Variants in HS3ST5 observed in about 807,000 individuals in gnomAD.
The protein encoded by HS3ST5 is heparan sulfate glucosamine 3-O-sulfotransferase 5.
A neutral mutation model predicts 25.4 loss-of-function variants in HS3ST5; 10 were observed. That is an observed-to-expected ratio of 0.39 (90% CI 0.24 to 0.67). The LOEUF (loss-of-function observed/expected upper bound fraction) is 0.67. Ranked by LOEUF, HS3ST5 falls within the 30% of genes least tolerant of loss-of-function variation. The probability of loss-of-function intolerance (pLI) is 0.44; values close to 1 mark genes in which losing one functional copy is unlikely to be tolerated. For missense variants in HS3ST5, 324 were observed against 420.7 expected, an observed-to-expected ratio of 0.77 and a Z score of 2.01; for synonymous variants, 170 against 162.4, an observed-to-expected ratio of 1.05 and a Z score of -0.36.
At chr6:114,095,162 A>G (rs1399184030) in intron 3 of HS3ST5, among the ~76,000 whole-genome samples, 1 of 152,182 alleles carries the variant, frequency 6.6e-6, no homozygotes, top group Non-Finnish European at 1.5e-5. Context: ...AATTTGTAAC[A>G]CAGCATAGAA....
chr6:114,065,095 A>G (rs763855693), intron 3 of HS3ST5, among the ~76,000 whole-genome samples: 36 of 90,324 alleles, frequency 4.0e-4, no homozygotes, highest in Non-Finnish European at 8.9e-4. Flanking sequence ...GGGAAGAGAA[A>G]GAGAGTGAGG....
At chr6:114,179,492 A>G (rs1779865477) in intron 2 of HS3ST5, among the ~76,000 whole-genome samples, 3 of 152,164 alleles carry the variant, frequency 2.0e-5, no homozygotes, top group Admixed American at 2.0e-4. Flanking sequence ...CTTAATTAAA[A>G]TCTTGCAACT....
chr6:114,277,860 G>T (rs546565389), intron 1 of HS3ST5, among the ~76,000 whole-genome samples: 1 of 152,030 alleles, frequency 6.6e-6, no homozygotes, highest in East Asian at 1.9e-4. Context: ...CCTTGTCGAG[G>T]TTATAGTTGT....
At chr6:114,274,582 A>G (rs781436386) in intron 1 of HS3ST5, among the ~76,000 whole-genome samples, 1 of 152,058 alleles carries the variant, frequency 6.6e-6, no homozygotes, top group Non-Finnish European at 1.5e-5. Context: ...AAAGATAAAG[A>G]ATCAATGGAT....
At chr6:114,147,418 A>G (rs1778223889) in intron 3 of HS3ST5, among the ~76,000 whole-genome samples, 1 of 152,160 alleles carries the variant, frequency 6.6e-6, no homozygotes, top group Non-Finnish European at 1.5e-5. Context: ...TCCTCCATGC[A>G]TAGGGACACT....
Position 114,248,921 on chromosome 6 carries a change from G to C in HS3ST5, c.-338-20143C>G, listed in dbSNP as rs543926210. Among the ~76,000 whole-genome samples, 8 of 152,276 alleles carry C rather than the reference G, an allele frequency of 5.3e-5. No individual in the cohort carries two copies. In the South Asian group the frequency reaches 1.7e-3, roughly 32 times the overall value. On this transcript the variant is annotated intron_variant, in intron 1 of 4. Transcript: ENST00000312719. ...ATATTATTACTGGCTGTTTCAGTCT[G>C]GTAGCAGACACTTTAGGTGGAAGAC...
chr6:114,192,986 T>C (rs1780574565), intron 2 of HS3ST5, among the ~76,000 whole-genome samples: 1 of 152,190 alleles, frequency 6.6e-6, no homozygotes, highest in Non-Finnish European at 1.5e-5. Flanking sequence ...CCCCCACCTT[T>C]TTAAAAGTTT....
intron 2 of HS3ST5, among the ~76,000 whole-genome samples, chr6:114,204,230 A>G (rs1388044655): frequency 2.0e-5 from 3 of 152,216 alleles, no homozygotes; most frequent in Non-Finnish European, 4.4e-5. Flanking sequence ...TCTGAGGCAG[A>G]TAAGGGCTTT....
chr6:114,150,722 G>A (rs1778407379), intron 3 of HS3ST5, among the ~76,000 whole-genome samples: 2 of 152,190 alleles, frequency 1.3e-5, no homozygotes. Flanking sequence ...TAATGCCTGA[G>A]TGTAGGAGAT....
At chr6:114,158,555 A>C (rs2114976655) in intron 3 of HS3ST5, among the ~76,000 whole-genome samples, 1 of 152,324 alleles carries the variant, frequency 6.6e-6, no homozygotes, top group Admixed American at 6.5e-5. Flanking sequence ...TAGCAGACAA[A>C]GAAAATGAGG....
At chr6:114,118,751 C>T (rs1198271644) in intron 3 of HS3ST5, among the ~76,000 whole-genome samples, 1 of 152,138 alleles carries the variant, frequency 6.6e-6, no homozygotes, top group Non-Finnish European at 1.5e-5. Flanking sequence ...TCTCCATCCC[C>T]TTTAGAAGAC....
intron 1 of HS3ST5, among the ~76,000 whole-genome samples, chr6:114,336,961 T>C (rs1156329898): frequency 6.6e-6 from 1 of 152,204 alleles, no homozygotes; most frequent in Non-Finnish European, 1.5e-5. Context: ...TTCTGTTACT[T>C]CATGTTAATT....
chr6:114,175,284 T>C (rs1308847278), intron 2 of HS3ST5, among the ~76,000 whole-genome samples: 1 of 152,098 alleles, frequency 6.6e-6, no homozygotes, highest in Non-Finnish European at 1.5e-5. Flanking sequence ...CAAATGAAGA[T>C]GGAGAACAGG....
chr6:114,187,089 C>T (rs1485351453), intron 2 of HS3ST5, among the ~76,000 whole-genome samples: 1 of 152,152 alleles, frequency 6.6e-6, no homozygotes, highest in Non-Finnish European at 1.5e-5. Flanking sequence ...ACCTAGTCAC[C>T]CAAGAGTTCT....
chr6:114,185,298 C>T (rs560700963), intron 2 of HS3ST5, among the ~76,000 whole-genome samples: 4 of 152,114 alleles, frequency 2.6e-5, no homozygotes, highest in African/African-American at 9.6e-5. Flanking sequence ...AGAGTGGAGC[C>T]CTCATGAATA....
rs142391121 is a variant in HS3ST5 at position 114,202,991 on chromosome 6, G to A, written c.-145+25594C>T. Among the ~76,000 whole-genome samples the A allele has an allele frequency of 2.9e-3, 437 of 152,288 alleles. 2 individuals are homozygous for A. Among genetic ancestry groups the A allele is most frequent in the African/African-American group, 0.01 (429 of 41,552 alleles). ...ACCAAAAACAGAATAGTTGAGGCAT[G>A]GCCAACTCTCTTGTTTTGTAATCAG... On this transcript the variant is annotated intron_variant, in intron 2 of 4. Transcript: ENST00000312719.
chr6:114,237,144 C>T (rs1380005265), intron 1 of HS3ST5, among the ~76,000 whole-genome samples: 1 of 152,078 alleles, frequency 6.6e-6, no homozygotes, highest in East Asian at 1.9e-4. Flanking sequence ...TGATGAAAGG[C>T]AAGGAGGTAA....
At chr6:114,108,514 C>T (rs1337930397) in intron 3 of HS3ST5, among the ~76,000 whole-genome samples, 2 of 152,152 alleles carry the variant, frequency 1.3e-5, no homozygotes, top group African/African-American at 2.4e-5. Context: ...AGAGCCTGTC[C>T]AGTGCACACA....
chr6:114,316,150 T>C (rs1184185389), intron 1 of HS3ST5, among the ~76,000 whole-genome samples: 1 of 152,248 alleles, frequency 6.6e-6, no homozygotes, highest in Non-Finnish European at 1.5e-5. Flanking sequence ...TATTGTAATA[T>C]AAAGTGAATT....
Sources: gnomAD v4.1 joint callset for allele counts (sites outside exome capture counted in the v4.1 genomes callset) on GRCh38, gnomAD v4.1.1 for gene constraint, MANE v1.5 for transcripts, NCBI Gene and HGNC (gene_info 2026-07-23, HGNC 2026-07-21) for gene names.